NUDCD1: variants seen among roughly 807,000 people sequenced by gnomAD.
The protein encoded by NUDCD1 is nudC domain-containing protein 1.
Under a neutral mutation model 67.8 loss-of-function variants are expected in NUDCD1, and 60 were observed. The ratio of observed to expected loss-of-function variants is 0.88; its 90% confidence interval spans 0.72 to 1.10. The LOEUF (loss-of-function observed/expected upper bound fraction) is 1.10, where lower values mean the gene tolerates loss of function less well. Ranked by LOEUF, NUDCD1 falls within the 50% of genes least tolerant of loss-of-function variation. The pLI is 0.00. For synonymous variants in NUDCD1, 244 were observed against 230.8 expected (o/e 1.06, Z -0.52); for missense variants, 643 against 695.0 (o/e 0.93, Z 0.84).
chr8:109,330,180 A>G (rs750761753), intron 1 of NUDCD1, among the ~76,000 whole-genome samples: 3 of 152,260 alleles, frequency 2.0e-5, no homozygotes, highest in Non-Finnish European at 4.4e-5. Context: ...TTACAATTTG[A>G]TTAAAAATAA....
intron 2 of NUDCD1, among the ~76,000 whole-genome samples, chr8:109,310,810 CTTT>C (rs59611956): frequency 2.7e-5 from 2 of 75,176 alleles, no homozygotes; most frequent in Non-Finnish European, 4.8e-5. Context: ...ATAGACAATT[CTTT>C]TTTTTTTTTT....
chr8:109,288,354 G>A (rs1279691889), intron 5 of NUDCD1, among the ~76,000 whole-genome samples: 1 of 152,170 alleles, frequency 6.6e-6, no homozygotes, highest in Non-Finnish European at 1.5e-5. Flanking sequence ...CCTCGAGATT[G>A]CTTACCAAAG....
intron 2 of NUDCD1, among the ~76,000 whole-genome samples, chr8:109,319,931 A>G (rs2054257): frequency 0.64 from 97,791 of 151,966 alleles, 32,688 homozygotes; most frequent in African/African-American, 0.83. Flanking sequence ...ATCACATGTC[A>G]GTAGGTTCCA....
At chr8:109,273,333 T>C (rs1251237423) in intron 7 of NUDCD1, among the ~76,000 whole-genome samples, 1 of 152,056 alleles carries the variant, frequency 6.6e-6, no homozygotes, top group Non-Finnish European at 1.5e-5. Context: ...AAATCAGCCA[T>C]GTAAAAGACT....
chr8:109,311,702 G>A (rs1265735572), intron 2 of NUDCD1, among the ~76,000 whole-genome samples: 13 of 151,836 alleles, frequency 8.6e-5, no homozygotes, highest in Admixed American at 8.5e-4. Context: ...GTTCTCACTT[G>A]TAAGTGGGAG....
At chr8:109,305,316 G>GT (rs1254722159) in intron 2 of NUDCD1, among the ~76,000 whole-genome samples, 1 of 152,104 alleles carries the variant, frequency 6.6e-6, no homozygotes, top group Non-Finnish European at 1.5e-5. Flanking sequence ...CTTCCCTTCT[G>GT]TAAGACATAA....
chr8:109,264,212 G>T (rs1247175290), intron 8 of NUDCD1, among the ~76,000 whole-genome samples: 1 of 152,094 alleles, frequency 6.6e-6, no homozygotes, highest in Non-Finnish European at 1.5e-5. Context: ...ACAAACTATG[G>T]TTATTCTGAA....
rs556928668 is a variant in NUDCD1 at position 109,263,186 on chromosome 8, T to C, written c.1299+7819A>G. Among the ~76,000 whole-genome samples, 8 of 151,960 alleles carry C rather than the reference T, an allele frequency of 5.3e-5. No homozygotes were observed. The South Asian group carries it at 1.7e-3, about 32-fold the overall frequency. ...AAACTGTTCACTGGAATAAAGTCTCTTTCCTCCAAATTCCTTCTCAAAGAA... is the reference window on the plus strand; with the variant it reads ...AAACTGTTCACTGGAATAAAGTCTCCTTCCTCCAAATTCCTTCTCAAAGAA... On this transcript the variant is annotated intron_variant, in intron 8 of 9. Transcript: ENST00000239690.
At chr8:109,284,013 C>CA (rs1814518445) in intron 5 of NUDCD1, among the ~76,000 whole-genome samples, 1 of 130,024 alleles carries the variant, frequency 7.7e-6, no homozygotes, top group Non-Finnish European at 1.7e-5. Flanking sequence ...AAAAACAAAA[C>CA]AAAAACAAGG....
At chr8:109,322,520 A>G in intron 1 of NUDCD1, 57 bp from the exon 2 acceptor site, 2 of 1,396,998 alleles carry the variant, frequency 1.4e-6, no homozygotes, top group South Asian at 1.4e-5. Flanking sequence ...GATAGTTTCT[A>G]TCTGTAGAAT....
At chr8:109,329,857 C>G (rs1187145597) in intron 1 of NUDCD1, 9 of 1,548,920 alleles carry the variant, frequency 5.8e-6, no homozygotes, top group African/African-American at 1.4e-5. Flanking sequence ...GACATGGGAC[C>G]CTTCAATACA....
At chr8:109,295,642 G>A (rs1814826803) in intron 3 of NUDCD1, among the ~76,000 whole-genome samples, 1 of 152,030 alleles carries the variant, frequency 6.6e-6, no homozygotes, top group African/African-American at 2.4e-5. Context: ...TATTTTATAA[G>A]ACATAAATAT....
rs2129950937 is a variant in NUDCD1, at chr8:109,271,041, G to A, written c.1263C>T (p.Cys421=). 2 of 1,593,740 alleles carry A rather than the reference G, an allele frequency of 1.3e-6. No homozygotes were observed. The highest frequency in any genetic ancestry group is 1.1e-5 in the South Asian group (1 of 88,998). The change falls in exon 8 of 10, where the codon TGC becomes TGT. Residue 421 remains cysteine (C), a synonymous_variant. Transcript: ENST00000239690. ...TTTTTAATGTATTGCCATCAAATCT[G>A]CATAAACTGGAGCTCTCTTCAAAGA... ...DIFFEESSSL[C]RFDGNTLKTT...
At position 109,264,969 on chromosome 8, in the gene NUDCD1, G is replaced by A. The variant is rs900998813; in HGVS notation, c.1299+6036C>T. On this transcript the variant is annotated intron_variant, in intron 8 of 9. Coordinates refer to ENST00000239690, the MANE Select transcript of NUDCD1 (RefSeq NM_032869.4). ...AAATTCTTAATTTCTAATATGATAC[G>A]TTTTGATAAATATAATCCAAATATA... is the stretch of plus-strand genomic sequence containing the variant. 4.6e-5 allele frequency among the ~76,000 whole-genome samples: 7 copies of A among 150,910 alleles called. No homozygotes were observed. The East Asian group carries it at 5.8e-4, about 13-fold the overall frequency.
chr8:109,261,975 G>A (rs184616675), intron 8 of NUDCD1, among the ~76,000 whole-genome samples: 30 of 152,108 alleles, frequency 2.0e-4, no homozygotes, highest in Admixed American at 1.8e-3. Context: ...CAGGTATGGA[G>A]CACTGCATTA....
rs548681040 is a variant in NUDCD1 at position 109,253,790 on chromosome 8, C to T, written c.1300-8309G>A. 2.6e-5 allele frequency among the ~76,000 whole-genome samples: 4 copies of T among 151,946 alleles called. No homozygotes were observed. In the East Asian group the frequency reaches 5.8e-4, roughly 22 times the overall value. ...TTAAAATGAAGTGTGATAAAAAGCA[C>T]GATTAAAGTATACTTACTGTATAAT... On this transcript the variant is annotated intron_variant, in intron 8 of 9. Coordinates refer to ENST00000239690, the MANE Select transcript of NUDCD1 (RefSeq NM_032869.4).
chr8:109,249,800 C>T (rs1464273857), intron 8 of NUDCD1, among the ~76,000 whole-genome samples: 1 of 150,314 alleles, frequency 6.7e-6, no homozygotes, highest in African/African-American at 2.4e-5. Flanking sequence ...TACGGAGAGA[C>T]ATAAGAATCC....
At chr8:109,315,810 G>A (rs547054310) in intron 2 of NUDCD1, 60 of 151,926 alleles carry the variant, frequency 3.9e-4, no homozygotes, top group Admixed American at 1.3e-3. Context: ...CTTTGCCTTC[G>A]TCTCTACACA....
intron 8 of NUDCD1, among the ~76,000 whole-genome samples, chr8:109,249,847 CTTTTT>C (rs35856577): frequency 7.5e-6 from 1 of 133,924 alleles, no homozygotes. Flanking sequence ...TTGTTGAATT[CTTTTT>C]TTTTTTTTTT....
Sources: allele counts gnomAD v4.1 joint callset (sites outside exome capture counted in the v4.1 genomes callset), GRCh38; gene constraint gnomAD v4.1.1; transcripts MANE v1.5; gene names NCBI Gene and HGNC (gene_info 2026-07-23, HGNC 2026-07-21).